FRMD4A: variants seen among roughly 807,000 people sequenced by gnomAD.
FRMD4A encodes FERM domain containing 4A, also known as FERM domain-containing protein 4A.
FRMD4A carries 29 observed loss-of-function variants against 129.1 expected under a neutral mutation model. The ratio of observed to expected loss-of-function variants is 0.22; its 90% CI spans 0.17 to 0.31. The LOEUF (loss-of-function observed/expected upper bound fraction) is 0.31, where lower values mean the gene tolerates loss of function less well. FRMD4A is among the 10% of genes least tolerant of loss of function. The pLI is 1.00. For synonymous variants in FRMD4A, 634 were observed against 571.6 expected (o/e 1.11, Z -1.56); for missense variants, 1,272 against 1,375.8 (o/e 0.92, Z 1.19).
intron 2 of FRMD4A, among the ~76,000 whole-genome samples, chr10:14,080,642 T>C (rs1835877964): frequency 6.6e-6 from 1 of 151,904 alleles, no homozygotes; most frequent in Admixed American, 6.6e-5. Context: ...AGAAGCGATC[T>C]TGGAAGCCAC....
chr10:13,757,724 G>A (rs990219303), intron 8 of FRMD4A, among the ~76,000 whole-genome samples: 4 of 152,174 alleles, frequency 2.6e-5, no homozygotes, highest in African/African-American at 7.2e-5. Context: ...TTCCATTAAG[G>A]TGTATCAGCA....
intron 2 of FRMD4A, among the ~76,000 whole-genome samples, chr10:13,949,043 G>A (rs1198731540): frequency 2.0e-5 from 3 of 152,040 alleles, no homozygotes; most frequent in Admixed American, 6.6e-5. Context: ...CTAAAGTATG[G>A]GCAGTTGTGA....
intron 2 of FRMD4A, among the ~76,000 whole-genome samples, chr10:14,045,364 G>A (rs1019068256): frequency 5.3e-5 from 8 of 152,102 alleles, no homozygotes; most frequent in African/African-American, 1.7e-4. Context: ...GTGTTCAGAT[G>A]CCACTGTCTT....
chr10:14,008,141 C>T, intron 2 of FRMD4A: 3 of 1,291,818 alleles, frequency 2.3e-6, no homozygotes, highest in Non-Finnish European at 3.0e-6. Context: ...CCACTGCAGC[C>T]TGAACCACCA....
At chr10:14,119,509 A>T (rs1564310258) in intron 2 of FRMD4A, among the ~76,000 whole-genome samples, 1 of 152,140 alleles carries the variant, frequency 6.6e-6, no homozygotes, top group Non-Finnish European at 1.5e-5. Flanking sequence ...GCCGTAACAC[A>T]TTGGCAGCAT....
chr10:13,753,611 C>A (rs2091732315), intron 8 of FRMD4A, among the ~76,000 whole-genome samples: 1 of 138,898 alleles, frequency 7.2e-6, no homozygotes, highest in Admixed American at 7.9e-5. Flanking sequence ...GTTTTGAGAT[C>A]ATGGCTCACT....
At chr10:14,121,160 G>A (rs1334031343) in intron 2 of FRMD4A, among the ~76,000 whole-genome samples, 5 of 152,166 alleles carry the variant, frequency 3.3e-5, no homozygotes, top group African/African-American at 1.2e-4. Flanking sequence ...CTGAGGTCAG[G>A]AGTTCAAGAC....
intron 2 of FRMD4A, among the ~76,000 whole-genome samples, chr10:14,166,134 T>C (rs1460472792): frequency 6.6e-6 from 1 of 150,832 alleles, no homozygotes; most frequent in Non-Finnish European, 1.5e-5. Flanking sequence ...TTTATTAACA[T>C]ACTATACTGT....
At chr10:14,318,501 T>A (rs537635875) in intron 2 of FRMD4A, among the ~76,000 whole-genome samples, 9 of 151,418 alleles carry the variant, frequency 5.9e-5, no homozygotes, top group Non-Finnish European at 1.0e-4. Flanking sequence ...GATTTACACA[T>A]CCTCTGAGTG....
At chr10:13,814,459 T>C (rs1474633009) in intron 3 of FRMD4A, among the ~76,000 whole-genome samples, 3 of 151,188 alleles carry the variant, frequency 2.0e-5, no homozygotes, top group African/African-American at 7.3e-5. Context: ...CACTTGGGAC[T>C]AGTCCTAGCT....
At chr10:14,195,955 T>G (rs895712672) in intron 2 of FRMD4A, among the ~76,000 whole-genome samples, 3 of 152,180 alleles carry the variant, frequency 2.0e-5, no homozygotes, top group African/African-American at 7.2e-5. Flanking sequence ...GTTCAGTATG[T>G]TTACAGAGCA....
chr10:13,833,174 A>G lies in FRMD4A; in HGVS notation c.112-22266T>C, dbSNP rs191301181. Among the ~76,000 whole-genome samples the G allele has an allele frequency of 3.7e-3, 565 of 152,270 alleles. 2 individuals carry two copies. The highest frequency in any genetic ancestry group is 6.7e-3 in the Non-Finnish European group (459 of 68,018). On this transcript the variant is annotated intron_variant, in intron 3 of 24. Coordinates refer to ENST00000357447, the MANE Select transcript of FRMD4A (RefSeq NM_018027.5). ...GTTCTCACATTGCCAATAAAGACAT[A>G]CCTGAGACTGGGTAATTTATAAAGA... is the stretch of plus-strand genomic sequence containing the variant.
At chr10:13,775,528 C>T (rs2092575467) in intron 6 of FRMD4A, among the ~76,000 whole-genome samples, 2 of 152,184 alleles carry the variant, frequency 1.3e-5, no homozygotes, top group Non-Finnish European at 2.9e-5. Context: ...TTTTACTTCC[C>T]ATATGCGCTT....
At chr10:13,930,902 A>T (rs1305859641) in intron 2 of FRMD4A, among the ~76,000 whole-genome samples, 2 of 152,028 alleles carry the variant, frequency 1.3e-5, no homozygotes, top group African/African-American at 4.8e-5. Flanking sequence ...GTGCCATCAC[A>T]GCTTACTGCA....
chr10:14,235,676 C>T (rs1235375695), intron 2 of FRMD4A, among the ~76,000 whole-genome samples: 2 of 152,224 alleles, frequency 1.3e-5, no homozygotes, highest in Non-Finnish European at 2.9e-5. Flanking sequence ...CCACCAGTGA[C>T]TCTCCAGCGG....
chr10:14,085,416 T>C (rs77225788), intron 2 of FRMD4A, among the ~76,000 whole-genome samples: 2,649 of 152,198 alleles, frequency 0.017, 41 homozygotes, highest in Non-Finnish European at 0.028. Flanking sequence ...ACTGCAAAAA[T>C]AGTAGCTTTT....
intron 2 of FRMD4A, among the ~76,000 whole-genome samples, chr10:14,292,241 T>C (rs556694249): frequency 6.6e-6 from 1 of 152,354 alleles, no homozygotes; most frequent in Non-Finnish European, 1.5e-5. Context: ...GCAGATCTCA[T>C]GCATTTTATG....
At chr10:14,171,399 C>G (rs1192180354) in intron 2 of FRMD4A, among the ~76,000 whole-genome samples, 6 of 152,182 alleles carry the variant, frequency 3.9e-5, no homozygotes, top group African/African-American at 1.4e-4. Context: ...GTGAATCCAG[C>G]CAAAAGCCAA....
In FRMD4A at chr10:14,321,863, TG is replaced by T. The variant is rs1235814908; in HGVS notation, c.45+8194del. On this transcript the variant is annotated intron_variant, in intron 2 of 24. Coordinates refer to ENST00000357447, the MANE Select transcript of FRMD4A (RefSeq NM_018027.5). ...GGCCTGGTGGGAGGTGATTGTATCATGGGGGCGGACTTCTCCCTTGCTGTTC... is the reference window on the plus strand; with the variant it reads ...GGCCTGGTGGGAGGTGATTGTATCATGGGGCGGACTTCTCCCTTGCTGTTC... Among the ~76,000 whole-genome samples, 12 of 152,208 alleles carry T rather than the reference TG, an allele frequency of 7.9e-5. No homozygotes were observed. The South Asian group carries it at 8.3e-4, about 11-fold the overall frequency.
Sources: allele counts gnomAD v4.1 joint callset (sites outside exome capture counted in the v4.1 genomes callset), GRCh38; gene constraint gnomAD v4.1.1; transcripts MANE v1.5; gene names NCBI Gene and HGNC (gene_info 2026-07-23, HGNC 2026-07-21).